ACSBG2: variants seen among roughly 807,000 people sequenced by gnomAD.
ACSBG2 encodes the protein long-chain-fatty-acid--CoA ligase ACSBG2.
Under a neutral mutation model 74.7 loss-of-function variants are expected in ACSBG2, and 62 were observed. The ratio of observed to expected loss-of-function variants is 0.83; its 90% CI spans 0.68 to 1.03. ACSBG2 has a LOEUF of 1.03. ACSBG2 is among the 50% of genes least tolerant of loss of function. The probability of loss-of-function intolerance (pLI) is 0.00; values close to 1 mark genes in which losing one functional copy is unlikely to be tolerated. For missense variants in ACSBG2, 730 were observed against 817.6 expected (o/e 0.89, Z 1.31); for synonymous variants, 309 against 294.1 (o/e 1.05, Z -0.52).
At chr19:6,170,721 C>T (rs1268918978) in intron 7 of ACSBG2, among the ~76,000 whole-genome samples, 1 of 152,076 alleles carries the variant, frequency 6.6e-6, no homozygotes, top group Non-Finnish European at 1.5e-5. Context: ...ATTCAGAGGC[C>T]ACTGGGTAGA....
chr19:6,178,828 G>A (rs1000379065), intron 8 of ACSBG2, among the ~76,000 whole-genome samples: 2 of 152,198 alleles, frequency 1.3e-5, no homozygotes, highest in Admixed American at 6.5e-5. Context: ...AAGGAAGTGA[G>A]GAGAGAAGGA....
At chr19:6,161,036 GT>G (rs2089590964) in intron 5 of ACSBG2, among the ~76,000 whole-genome samples, 178 bp from the exon 6 acceptor site, 2 of 151,734 alleles carry the variant, frequency 1.3e-5, no homozygotes, top group Non-Finnish European at 2.9e-5. Context: ...GGAGGCGGAG[GT>G]TGCAGTGAGC....
At chr19:6,144,541 C>T (rs1044156877) in intron 2 of ACSBG2, among the ~76,000 whole-genome samples, 2 of 152,202 alleles carry the variant, frequency 1.3e-5, no homozygotes, top group Non-Finnish European at 2.9e-5. Flanking sequence ...ACCAGTGCTG[C>T]CTGCACCTTG....
In ACSBG2 at chr19:6,178,448, C is replaced by T. The variant is rs138299904; in HGVS notation, c.906+1052C>T. 3.7e-3 allele frequency among the ~76,000 whole-genome samples: 557 copies of T among 152,180 alleles called. 6 individuals are homozygous for T. The highest frequency in any genetic ancestry group is 0.012 in the African/African-American group (515 of 41,508). ...CAGGCTGGAGTTACAGTGCCATGAT[C>T]TCGGCCCACTGCAACCTCTGTCTTC... is the stretch of plus-strand genomic sequence containing the variant. On this transcript the variant is annotated intron_variant, in intron 8 of 14. Transcript: ENST00000588485.
intron 6 of ACSBG2, among the ~76,000 whole-genome samples, chr19:6,163,783 C>CAAAAAAAAAAA (rs1278911071): frequency 1.2e-5 from 1 of 81,082 alleles, no homozygotes. Flanking sequence ...AAATAAAATA[C>CAAAAAAAAAAA]AAAAAAAAAA....
At chr19:6,161,532 G>C (rs1431686034) in intron 6 of ACSBG2, 3 of 443,066 alleles carry the variant, frequency 6.8e-6, no homozygotes, top group Admixed American at 3.5e-5. Flanking sequence ...TGAGCAGAGG[G>C]AGGGGGTGTG....
At chr19:6,160,884 G>C (rs948141384) in intron 5 of ACSBG2, 14 of 178,800 alleles carry the variant, frequency 7.8e-5, no homozygotes, top group Non-Finnish European at 1.7e-4. Context: ...GGGATCACCT[G>C]GGGTCAGGAG....
chr19:6,142,385 G>A (rs899289782), intron 2 of ACSBG2, among the ~76,000 whole-genome samples: 2 of 152,098 alleles, frequency 1.3e-5, no homozygotes, highest in Non-Finnish European at 1.5e-5. Context: ...CCCAAACGCC[G>A]GTGGGACCTC....
At position 6,141,549 on chromosome 19, in the gene ACSBG2, T is replaced by C. The variant is rs1161049674; in HGVS notation, c.6T>C (p.Thr2=). The C allele has an allele frequency of 1.9e-6, 3 of 1,610,550 alleles. No homozygotes were observed. Among genetic ancestry groups the C allele is most frequent in the African/African-American group, 2.7e-5 (2 of 74,834 alleles). The change falls in exon 2 of 15, where the codon ACT becomes ACC. Residue 2 remains threonine (T), a synonymous_variant. Transcript: ENST00000588485. ...ATGGTTTCTGCACACCTGGAATGAC[T>C]GGAACCCCAAAGACTCAAGAAGGAG... M[T]GTPKTQEGAK...
At chr19:6,189,006 T>TTG (rs200599898) in intron 13 of ACSBG2, among the ~76,000 whole-genome samples, 3 of 152,094 alleles carry the variant, frequency 2.0e-5, no homozygotes, top group Non-Finnish European at 2.9e-5. Context: ...ATTGGGTTTT[T>TTG]TGTGTGTGTG....
At chr19:6,182,401 C>A (rs1295269715) in intron 8 of ACSBG2, among the ~76,000 whole-genome samples, 3 of 152,166 alleles carry the variant, frequency 2.0e-5, no homozygotes, top group Non-Finnish European at 4.4e-5. Context: ...AACAGTGTTG[C>A]AAAGAACGTC....
rs2090312104 is a variant in ACSBG2, at chr19:6,183,214, TTGAG to T, written c.1269_1272del (p.Ser423ArgfsTer17). On this transcript the variant is annotated frameshift_variant, in exon 10 of 15. Transcript: ENST00000588485. LOFTEE classifies it high-confidence loss of function. ...CATACCTATAGGCGAGTTGTATGGG[TTGAG>T]TGAGAGCTCGGGACCCCACACGATA... 3.1e-6 allele frequency: 5 copies of T among 1,613,990 alleles called. No individual in the cohort carries two copies. The highest frequency in any genetic ancestry group is 1.7e-5 in the Admixed American group (1 of 59,998).
At chr19:6,144,103 T>G (rs958579580) in intron 2 of ACSBG2, among the ~76,000 whole-genome samples, 2 of 152,142 alleles carry the variant, frequency 1.3e-5, no homozygotes, top group African/African-American at 4.8e-5. Flanking sequence ...GTTCAAGCGA[T>G]TCTCCTGCCT....
intron 7 of ACSBG2, among the ~76,000 whole-genome samples, chr19:6,166,280 T>TTTTGTG (rs1555694318): frequency 1.8e-3 from 218 of 119,148 alleles, no homozygotes; most frequent in East Asian, 7.9e-3. Context: ...GTCAGGAAGG[T>TTTTGTG]TGTGTGTGTG....
chr19:6,177,875 A>AGTGTGTGTGTGTGT (rs3036311), intron 8 of ACSBG2, among the ~76,000 whole-genome samples: 23 of 143,522 alleles, frequency 1.6e-4, no homozygotes, highest in African/African-American at 4.9e-4. Context: ...GAAAGTAAAG[A>AGTGTGTGTGTGTGT]GTGTGTGTGT....
intron 7 of ACSBG2, among the ~76,000 whole-genome samples, chr19:6,166,377 C>T (rs192963955): frequency 9.3e-5 from 14 of 150,654 alleles, no homozygotes; most frequent in African/African-American, 2.7e-4. Flanking sequence ...AGTGCAGTGG[C>T]GCAATCTTGG....
Position 6,183,149 on chromosome 19 carries a change from C to CAAGAGT in ACSBG2, c.1199_1200insAAGAGT (p.Pro400_Leu401insArgVal). The stretch of plus-strand genomic sequence containing the variant: ...CACTCTTTTATCAGTGGGACTGCGC[C>CAAGAGT]CCTCAACCAAGAGACTGCCGAGTTC... On this transcript the variant is annotated inframe_insertion, in exon 10 of 15. Transcript: ENST00000588485. 3 of 1,614,206 alleles carry CAAGAGT rather than the reference C, an allele frequency of 1.9e-6. 1 individual carries two copies. In the South Asian group the frequency reaches 3.3e-5, roughly 18 times the overall value.
chr19:6,177,190 A>G lies in ACSBG2; in HGVS notation c.739-39A>G, dbSNP rs375253639. ...AATTTAAAAATAAAATGGCCCTTCTATGAGGGTGAGGCACCTTGGATTGTC... is the reference window on the plus strand; with the variant it reads ...AATTTAAAAATAAAATGGCCCTTCTGTGAGGGTGAGGCACCTTGGATTGTC... On this transcript the variant is annotated intron_variant, in intron 7 of 14. Transcript: ENST00000588485. The G allele has an allele frequency of 8.1e-6, 13 of 1,600,468 alleles. No individual in the cohort carries two copies. In the African/African-American group the frequency reaches 1.8e-4, roughly 22 times the overall value.
At chr19:6,168,927 C>T (rs888270525) in intron 7 of ACSBG2, among the ~76,000 whole-genome samples, 2 of 152,042 alleles carry the variant, frequency 1.3e-5, no homozygotes, top group African/African-American at 4.8e-5. Flanking sequence ...TACAGGCACC[C>T]ACCACCACAC....
Sources: gnomAD v4.1 joint callset for allele counts (sites outside exome capture counted in the v4.1 genomes callset) on GRCh38, gnomAD v4.1.1 for gene constraint, MANE v1.5 for transcripts, NCBI Gene and HGNC (gene_info 2026-07-23, HGNC 2026-07-21) for gene names.